CFHR2: variants seen among roughly 807,000 people sequenced by gnomAD.
The protein encoded by CFHR2 is complement factor H-related protein 2.
Under a neutral mutation model 21.7 loss-of-function variants are expected in CFHR2, and 22 were observed. The observed-to-expected ratio is 1.01, with a 90% CI of 0.72 to 1.45. CFHR2 has a LOEUF of 1.45. Ranked by LOEUF, CFHR2 falls within the 40% of genes most tolerant of loss-of-function variation. The probability of loss-of-function intolerance (pLI) is 0.00; values close to 1 mark genes in which losing one functional copy is unlikely to be tolerated. For missense variants in CFHR2, 294 were observed against 293.3 expected (o/e 1.00, Z -0.02); for synonymous variants, 98 against 97.4 (o/e 1.01, Z -0.04).
rs151104621 is a variant in CFHR2, at chr1:196,951,146, A to G, written c.430+118A>G. The G allele has an allele frequency of 7.5e-5, 90 of 1,199,822 alleles. No homozygotes were observed. The African/African-American group carries it at 1.2e-3, about 16-fold the overall frequency. 74.3% of individuals were successfully genotyped at this position (1,199,822 alleles called of 1,614,324 possible). On this transcript the variant is annotated intron_variant, in intron 3 of 4. Coordinates refer to ENST00000367415, the MANE Select transcript of CFHR2 (RefSeq NM_005666.4). ...GGTTTTGCCACATACTTCTATCATT[A>G]TTCATTTGATTCTCAGTTCCAATTG...
At chr1:196,951,058 G>A in intron 3 of CFHR2, 30 bp downstream of exon 3, 17 of 1,611,502 alleles carry the variant, frequency 1.1e-5, no homozygotes, top group Non-Finnish European at 1.2e-5. Flanking sequence ...CTCAGATGCT[G>A]TTATATTATA....
chr1:196,951,613 G>A (rs1200296534), intron 3 of CFHR2, among the ~76,000 whole-genome samples: 1 of 152,024 alleles, frequency 6.6e-6, no homozygotes, highest in Non-Finnish European at 1.5e-5. Context: ...TAGCTCCTCA[G>A]TAATTGTTTT....
chr1:196,956,934 T>C (rs1652906340), intron 3 of CFHR2, among the ~76,000 whole-genome samples: 2 of 152,140 alleles, frequency 1.3e-5, no homozygotes, highest in African/African-American at 4.8e-5. Context: ...ATTTGGCTTC[T>C]GCTGACATCA....
Position 196,959,119 on chromosome 1 carries a change from T to C in CFHR2, c.*39T>C, listed in dbSNP as rs1391663486. On this transcript the variant is annotated 3_prime_UTR_variant, in exon 5 of 5. Transcript: ENST00000367415. ...ACTATTAGTAAAATGCACACCTTTT[T>C]CTGAATTTACTATTATATTTGTTTT... The C allele has an allele frequency of 7.5e-7, 1 of 1,337,014 alleles. No individual in the cohort carries two copies. The highest frequency in any genetic ancestry group is 1.5e-5 in the African/African-American group (1 of 68,094). 82.8% of individuals were successfully genotyped at this position (1,337,014 alleles called of 1,614,324 possible). A position where few individuals can be genotyped will look rare whatever the true frequency, so the allele number is the denominator to read the frequency against.
intron 3 of CFHR2, among the ~76,000 whole-genome samples, chr1:196,955,313 T>C (rs1157648676): frequency 6.6e-6 from 1 of 152,156 alleles, no homozygotes; most frequent in South Asian, 2.1e-4. Flanking sequence ...TCATTGTCCA[T>C]ATCTCTATAA....
At position 196,947,145 on chromosome 1, in the gene CFHR2, G is replaced by A. The variant is rs547773724; in HGVS notation, c.59-2310G>A. Among the ~76,000 whole-genome samples the A allele has an allele frequency of 5.9e-5, 9 of 152,132 alleles. No individual in the cohort carries two copies. In the East Asian group the frequency reaches 7.7e-4, roughly 13 times the overall value. ...TATATATGTATGTGTGTGTGTGTGT[G>A]TGTGTGTGTATCCCAGAAGAAATAT... is the stretch of plus-strand genomic sequence containing the variant. On this transcript the variant is annotated intron_variant, in intron 1 of 4. Coordinates refer to ENST00000367415, the MANE Select transcript of CFHR2 (RefSeq NM_005666.4).
At chr1:196,958,396 G>T (rs987507784) in intron 4 of CFHR2, among the ~76,000 whole-genome samples, 1 of 142,188 alleles carries the variant, frequency 7.0e-6, no homozygotes, top group African/African-American at 2.9e-5. Flanking sequence ...GTGTGTAAGT[G>T]TGTGTGTGTG....
At chr1:196,946,944 G>A (rs1659520603) in intron 1 of CFHR2, among the ~76,000 whole-genome samples, 1 of 152,120 alleles carries the variant, frequency 6.6e-6, no homozygotes, top group Non-Finnish European at 1.5e-5. Flanking sequence ...AATGCTGTAG[G>A]TTTATTTACA....
At chr1:196,948,942 A>G (rs1659620802) in intron 1 of CFHR2, among the ~76,000 whole-genome samples, 2 of 152,172 alleles carry the variant, frequency 1.3e-5, no homozygotes, top group Admixed American at 6.6e-5. Context: ...TGTAACCAGA[A>G]AGTATTCAAA....
intron 1 of CFHR2, among the ~76,000 whole-genome samples, chr1:196,944,760 C>G (rs1298589475): frequency 4.0e-5 from 6 of 151,672 alleles, no homozygotes; most frequent in Admixed American, 2.0e-4. Flanking sequence ...GACCTTTGAA[C>G]TTTTATTTGA....
chr1:196,954,067 A>T (rs1311123979), intron 3 of CFHR2, among the ~76,000 whole-genome samples: 1 of 152,248 alleles, frequency 6.6e-6, no homozygotes, highest in East Asian at 1.9e-4. Context: ...AATAATGGAA[A>T]GGTTCAAAAA....
chr1:196,949,141 T>C (rs952082076), intron 1 of CFHR2, among the ~76,000 whole-genome samples: 7 of 152,212 alleles, frequency 4.6e-5, no homozygotes, highest in African/African-American at 1.7e-4. Flanking sequence ...GAAGATTTGC[T>C]AGTCTTACAC....
Position 196,957,786 on chromosome 1 carries a change from A to G in CFHR2, c.431-105A>G, listed in dbSNP as rs1311072808. 5.0e-6 allele frequency: 5 copies of G among 997,802 alleles called. No homozygotes were observed. In the Admixed American group the frequency reaches 1.2e-4, roughly 24 times the overall value. The allele number at this position is 997,802 out of a possible 1,614,324, so 61.8% of individuals were successfully genotyped here. ...TCCGGGAATCATTTCATTCAGCACA[A>G]ATCACAAAAGCCCTGATAGACTATA... On this transcript the variant is annotated intron_variant, in intron 3 of 4. Transcript: ENST00000367415.
At chr1:196,948,976 AAACT>A (rs1208881185) in intron 1 of CFHR2, among the ~76,000 whole-genome samples, 2 of 152,200 alleles carry the variant, frequency 1.3e-5, no homozygotes, top group African/African-American at 4.8e-5. Context: ...ACAAACAACA[AAACT>A]AACTACCCAA....
intron 4 of CFHR2, among the ~76,000 whole-genome samples, chr1:196,958,418 G>A (rs55861021): frequency 6.7e-6 from 1 of 148,466 alleles, no homozygotes; most frequent in Non-Finnish European, 1.5e-5. Flanking sequence ...GTGTGTGTGA[G>A]AGAGAGAGAG....
rs371595901 is a variant in CFHR2 at position 196,952,102 on chromosome 1, C to T, written c.430+1074C>T. On this transcript the variant is annotated intron_variant, in intron 3 of 4. Coordinates refer to ENST00000367415, the MANE Select transcript of CFHR2 (RefSeq NM_005666.4). ...TATGTTATCAAATATTATTCCACAC[C>T]TTTAATTCTTAATTTTAAACCTCTA... Among the ~76,000 whole-genome samples the T allele has an allele frequency of 5.9e-5, 9 of 152,160 alleles. No homozygotes were observed. In the East Asian group the frequency reaches 1.6e-3, roughly 26 times the overall value.
chr1:196,957,838 T>C, intron 3 of CFHR2, 53 bp from the exon 4 acceptor site: 1 of 1,541,146 alleles, frequency 6.5e-7, no homozygotes, highest in South Asian at 1.1e-5. Flanking sequence ...TTTGCCTTAT[T>C]TGAACTTGTA....
At chr1:196,948,712 A>G (rs1659613548) in intron 1 of CFHR2, among the ~76,000 whole-genome samples, 1 of 151,800 alleles carries the variant, frequency 6.6e-6, no homozygotes, top group African/African-American at 2.4e-5. Context: ...TTTTTTTCCG[A>G]ATATTTTTGA....
intron 3 of CFHR2, among the ~76,000 whole-genome samples, chr1:196,955,253 A>G (rs1210299666): frequency 6.6e-6 from 1 of 152,176 alleles, no homozygotes; most frequent in Non-Finnish European, 1.5e-5. Flanking sequence ...CCTTTGCTCC[A>G]GTTCCTAATA....
Sources: gnomAD v4.1 joint callset for allele counts (sites outside exome capture counted in the v4.1 genomes callset) on GRCh38, gnomAD v4.1.1 for gene constraint, MANE v1.5 for transcripts, NCBI Gene and HGNC (gene_info 2026-07-23, HGNC 2026-07-21) for gene names.